Variants in SGCZ observed in about 807,000 individuals in gnomAD.
SGCZ encodes zeta-sarcoglycan.
In SGCZ, 40 loss-of-function variants were observed where a neutral mutation model predicts 41.3. The ratio of observed to expected loss-of-function variants is 0.97; its 90% CI spans 0.75 to 1.26. The LOEUF is 1.26. Ranked by LOEUF, SGCZ falls within the 50% of genes most tolerant of loss-of-function variation. The pLI, the probability that SGCZ is intolerant of heterozygous loss-of-function variation, is 0.00. For synonymous variants in SGCZ, 206 were observed against 137.5 expected, an observed-to-expected ratio of 1.50 and a Z score of -3.49; for missense variants, 552 against 369.8, an observed-to-expected ratio of 1.49 and a Z score of -4.04.
intron 1 of SGCZ, among the ~76,000 whole-genome samples, chr8:14,660,217 T>G (rs766055961): frequency 7.9e-5 from 12 of 152,180 alleles, no homozygotes; most frequent in Non-Finnish European, 1.6e-4. Context: ...GAAAGCCATT[T>G]TAGACACTGT....
intron 7 of SGCZ, among the ~76,000 whole-genome samples, chr8:14,102,052 G>T (rs1365178800): frequency 6.7e-6 from 1 of 148,354 alleles, no homozygotes; most frequent in African/African-American, 2.5e-5. Flanking sequence ...GACTACAGGT[G>T]CCTGCCACTA....
At chr8:15,115,355 A>T (rs1360395824) in intron 1 of SGCZ, among the ~76,000 whole-genome samples, 1 of 152,184 alleles carries the variant, frequency 6.6e-6, no homozygotes, top group African/African-American at 2.4e-5. Flanking sequence ...CCTAACTACA[A>T]AGGAAGTGGA....
intron 2 of SGCZ, among the ~76,000 whole-genome samples, chr8:14,394,397 C>A (rs1804905575): frequency 6.6e-6 from 1 of 152,118 alleles, no homozygotes; most frequent in African/African-American, 2.4e-5. Context: ...GATCCACCCG[C>A]CTCGGCCTTT....
At chr8:14,219,329 G>C (rs961044843) in intron 4 of SGCZ, among the ~76,000 whole-genome samples, 2 of 152,166 alleles carry the variant, frequency 1.3e-5, no homozygotes, top group African/African-American at 2.4e-5. Flanking sequence ...CATCTGAGAA[G>C]TATGCTCAAC....
intron 1 of SGCZ, among the ~76,000 whole-genome samples, chr8:14,576,511 G>C (rs150953853): frequency 1.7e-3 from 256 of 152,284 alleles, no homozygotes; most frequent in African/African-American, 6.0e-3. Context: ...TTTCTATTTA[G>C]TTACACAAAA....
chr8:14,562,043 G>A lies in SGCZ; in HGVS notation c.40-7117C>T, dbSNP rs143364206. On this transcript the variant is annotated intron_variant, in intron 1 of 7. Coordinates refer to ENST00000382080, the MANE Select transcript of SGCZ (RefSeq NM_139167.4). ...TAAACATGGTTCATCACTAATAATC[G>A]AGCCCTAGAGAATTCTGGTGACTTC... Among the ~76,000 whole-genome samples, 509 of 152,100 alleles carry A rather than the reference G, an allele frequency of 3.3e-3. 4 individuals are homozygous for A. The highest frequency in any genetic ancestry group is 7.7e-3 in the African/African-American group (319 of 41,510).
At chr8:15,096,487 C>T (rs1218241600) in intron 1 of SGCZ, among the ~76,000 whole-genome samples, 1 of 152,030 alleles carries the variant, frequency 6.6e-6, no homozygotes, top group Non-Finnish European at 1.5e-5. Flanking sequence ...GAGGCTTTAT[C>T]GACAAATATG....
At chr8:14,824,983 T>C (rs17120342) in intron 1 of SGCZ, among the ~76,000 whole-genome samples, 4,435 of 152,120 alleles carry the variant, frequency 0.029, 186 homozygotes, top group African/African-American at 0.093. Context: ...GACCAACACA[T>C]ATCCCTAAAT....
At chr8:14,504,553 C>G (rs1051985222) in intron 2 of SGCZ, among the ~76,000 whole-genome samples, 1 of 152,058 alleles carries the variant, frequency 6.6e-6, no homozygotes, top group African/African-American at 2.4e-5. Context: ...CATTGGCATG[C>G]CTTTCTTTCT....
intron 2 of SGCZ, among the ~76,000 whole-genome samples, chr8:14,494,672 G>A (rs1439493534): frequency 6.6e-6 from 1 of 152,112 alleles, no homozygotes; most frequent in African/African-American, 2.4e-5. Context: ...TCAAATAGTA[G>A]CATTTGAGAA....
intron 5 of SGCZ, among the ~76,000 whole-genome samples, chr8:14,119,462 CT>C (rs1802626709): frequency 6.6e-6 from 1 of 152,280 alleles, no homozygotes; most frequent in South Asian, 2.1e-4. Context: ...AGATTTTGGG[CT>C]CAGACAGTGG....
At chr8:14,602,769 T>A (rs1805634306) in intron 1 of SGCZ, among the ~76,000 whole-genome samples, 1 of 152,184 alleles carries the variant, frequency 6.6e-6, no homozygotes, top group African/African-American at 2.4e-5. Context: ...CACTGGAATT[T>A]AAGCATTTGA....
chr8:14,506,253 G>A (rs1305339293), intron 2 of SGCZ, among the ~76,000 whole-genome samples: 1 of 152,062 alleles, frequency 6.6e-6, no homozygotes, highest in African/African-American at 2.4e-5. Context: ...TCCACCATAT[G>A]TTTGTGCAGC....
chr8:14,453,021 T>C (rs1800639415), intron 2 of SGCZ, among the ~76,000 whole-genome samples: 2 of 152,080 alleles, frequency 1.3e-5, no homozygotes, highest in South Asian at 4.1e-4. Flanking sequence ...AAGAATCGCT[T>C]GAACCCAGGA....
chr8:14,945,315 C>G (rs1414688412), intron 1 of SGCZ, among the ~76,000 whole-genome samples: 2 of 152,078 alleles, frequency 1.3e-5, no homozygotes, highest in Non-Finnish European at 2.9e-5. Flanking sequence ...TCCTCCATAA[C>G]CTTTGTCAAA....
At chr8:14,791,047 A>G (rs1800935443) in intron 1 of SGCZ, among the ~76,000 whole-genome samples, 1 of 152,000 alleles carries the variant, frequency 6.6e-6, no homozygotes, top group African/African-American at 2.4e-5. Flanking sequence ...AAAAGAAAAA[A>G]AAAAGAAAAA....
chr8:14,304,904 A>C lies in SGCZ; in HGVS notation c.336+19199T>G, dbSNP rs187536116. 1.1e-3 allele frequency among the ~76,000 whole-genome samples: 165 copies of C among 152,356 alleles called. 2 individuals carry two copies. Among genetic ancestry groups the C allele is most frequent in the Middle Eastern group, 6.8e-3 (2 of 294 alleles). On this transcript the variant is annotated intron_variant, in intron 3 of 7. Coordinates refer to ENST00000382080, the MANE Select transcript of SGCZ (RefSeq NM_139167.4). ...AGTAAGACATTGCCTAAAGTAGAAA[A>C]TAAAACAGAATCAAGCTTCAGAGGT...
At chr8:14,368,368 C>A (rs1803789971) in intron 2 of SGCZ, among the ~76,000 whole-genome samples, 1 of 151,744 alleles carries the variant, frequency 6.6e-6, no homozygotes, top group African/African-American at 2.4e-5. Context: ...AAAATGCAGC[C>A]AGATATTGGA....
At chr8:14,898,679 A>T (rs1330204395) in intron 1 of SGCZ, among the ~76,000 whole-genome samples, 1 of 152,142 alleles carries the variant, frequency 6.6e-6, no homozygotes, top group East Asian at 1.9e-4. Flanking sequence ...CTGAGATGAG[A>T]AGAGTCAAGT....
Sources: allele counts gnomAD v4.1 joint callset (sites outside exome capture counted in the v4.1 genomes callset), GRCh38; gene constraint gnomAD v4.1.1; transcripts MANE v1.5; gene names NCBI Gene and HGNC (gene_info 2026-07-23, HGNC 2026-07-21).